The following NMNAT2 variants were observed in gnomAD, a reference collection of about 807,000 sequenced individuals.
NMNAT2 encodes the protein nicotinamide nucleotide adenylyltransferase 2, also known as nicotinamide/nicotinic acid mononucleotide adenylyltransferase 2.
A neutral mutation model predicts 41.6 loss-of-function variants in NMNAT2; 11 were observed. That is an observed-to-expected ratio of 0.26 (90% CI 0.17 to 0.44). The LOEUF (loss-of-function observed/expected upper bound fraction) is 0.44, where lower values mean the gene tolerates loss of function less well. NMNAT2 is among the 20% of genes least tolerant of loss of function. The pLI is 1.00. For missense variants in NMNAT2, 288 were observed against 407.7 expected (o/e 0.71, Z 2.53); for synonymous variants, 148 against 151.2 (o/e 0.98, Z 0.16).
rs530163371 is a variant in NMNAT2 at position 183,355,321 on chromosome 1, G to A, written c.86-61528C>T. Among the ~76,000 whole-genome samples, 9 of 152,266 alleles carry A rather than the reference G, an allele frequency of 5.9e-5. No homozygotes were observed. In the South Asian group the frequency reaches 1.9e-3, roughly 31 times the overall value. Reference sequence around the variant, plus strand: ...TCTCACAGTTTGTTATGATATATTAGTGGTTCTCCAAGTGTGTTTCCAGAC... The same window carrying A: ...TCTCACAGTTTGTTATGATATATTAATGGTTCTCCAAGTGTGTTTCCAGAC... On this transcript the variant is annotated intron_variant, in intron 1 of 10. Transcript: ENST00000287713.
intron 1 of NMNAT2, among the ~76,000 whole-genome samples, chr1:183,323,801 T>G (rs1266343115): frequency 6.6e-6 from 1 of 151,816 alleles, no homozygotes; most frequent in East Asian, 1.9e-4. Flanking sequence ...GTAAAACCTC[T>G]CCCCCCACAG....
chr1:183,312,688 G>GGGA (rs1388355991), intron 1 of NMNAT2, among the ~76,000 whole-genome samples: 2 of 152,074 alleles, frequency 1.3e-5, no homozygotes, highest in Non-Finnish European at 2.9e-5. Context: ...GATTTTCCAA[G>GGGA]TATCCCTCAG....
intron 1 of NMNAT2, among the ~76,000 whole-genome samples, chr1:183,370,422 G>A (rs1403767986): frequency 6.6e-6 from 1 of 152,178 alleles, no homozygotes; most frequent in Admixed American, 6.5e-5. Context: ...TTACTGGTAT[G>A]CTGAGAATAA....
At chr1:183,276,255 G>C (rs2102295078) in intron 8 of NMNAT2, among the ~76,000 whole-genome samples, 1 of 152,286 alleles carries the variant, frequency 6.6e-6, no homozygotes, top group African/African-American at 2.4e-5. Flanking sequence ...TTGACCCAGT[G>C]AGTTCACTCC....
intron 4 of NMNAT2, among the ~76,000 whole-genome samples, chr1:183,289,782 C>A (rs1557867815): frequency 6.6e-6 from 1 of 152,194 alleles, no homozygotes; most frequent in Non-Finnish European, 1.5e-5. Flanking sequence ...CCTCCTCCCT[C>A]ACTTTCTGAA....
intron 1 of NMNAT2, among the ~76,000 whole-genome samples, chr1:183,297,957 T>C (rs1052423696): frequency 3.3e-5 from 5 of 152,188 alleles, no homozygotes; most frequent in African/African-American, 1.2e-4. Context: ...AAAAATCTCA[T>C]GATCCTATCA....
At chr1:183,254,135 C>T (rs1355513085) in intron 10 of NMNAT2, among the ~76,000 whole-genome samples, 1 of 152,002 alleles carries the variant, frequency 6.6e-6, no homozygotes, top group Non-Finnish European at 1.5e-5. Flanking sequence ...ATGACAGTTC[C>T]GTTTTTAATC....
At chr1:183,290,033 C>T in intron 4 of NMNAT2, 95 bp downstream of exon 4, 2 of 970,098 alleles carry the variant, frequency 2.1e-6, no homozygotes, top group Non-Finnish European at 3.1e-6. Flanking sequence ...AGGCCAGCAG[C>T]ACCCTCTCCT....
chr1:183,364,008 C>T (rs1663363395), intron 1 of NMNAT2, among the ~76,000 whole-genome samples: 1 of 152,232 alleles, frequency 6.6e-6, no homozygotes, highest in South Asian at 2.1e-4. Flanking sequence ...CTTCATCCTG[C>T]TATCATGTGC....
intron 10 of NMNAT2, among the ~76,000 whole-genome samples, chr1:183,258,877 C>CT (rs1301759695): frequency 6.6e-6 from 1 of 152,186 alleles, no homozygotes; most frequent in African/African-American, 2.4e-5. Flanking sequence ...GGCTCACTGG[C>CT]TTCCCCAACC....
chr1:183,282,611 G>T (rs989876464), intron 7 of NMNAT2, among the ~76,000 whole-genome samples: 1 of 152,232 alleles, frequency 6.6e-6, no homozygotes, highest in African/African-American at 2.4e-5. Context: ...AGGAGACTGC[G>T]TGGGAAGGCA....
intron 1 of NMNAT2, among the ~76,000 whole-genome samples, chr1:183,337,793 G>GTGCATTTT (rs751372796): frequency 6.6e-6 from 1 of 151,936 alleles, no homozygotes; most frequent in Non-Finnish European, 1.5e-5. Context: ...CACTTTTATT[G>GTGCATTTT]CCATTTTCCA....
intron 8 of NMNAT2, among the ~76,000 whole-genome samples, chr1:183,273,841 C>T (rs1318118102): frequency 7.6e-5 from 6 of 79,162 alleles, no homozygotes; most frequent in African/African-American, 4.0e-4. Flanking sequence ...CTCCCTCCCT[C>T]CCTTCCTTCC....
At chr1:183,399,409 G>A (rs1399289411) in intron 1 of NMNAT2, among the ~76,000 whole-genome samples, 2 of 152,080 alleles carry the variant, frequency 1.3e-5, no homozygotes, top group Admixed American at 6.5e-5. Flanking sequence ...CTGTAACTGA[G>A]GCAATAATTA....
intron 1 of NMNAT2, among the ~76,000 whole-genome samples, chr1:183,415,244 A>G (rs955424176): frequency 6.6e-6 from 1 of 152,160 alleles, no homozygotes; most frequent in Non-Finnish European, 1.5e-5. Context: ...TCACCTCCCA[A>G]AGTGCTGGGA....
At chr1:183,341,297 A>C (rs1483184297) in intron 1 of NMNAT2, among the ~76,000 whole-genome samples, 1 of 152,078 alleles carries the variant, frequency 6.6e-6, no homozygotes, top group African/African-American at 2.4e-5. Context: ...CTGAAATGGC[A>C]ACCACAATGC....
chr1:183,400,468 C>T (rs375150844), intron 1 of NMNAT2, among the ~76,000 whole-genome samples: 5 of 152,090 alleles, frequency 3.3e-5, no homozygotes, highest in Non-Finnish European at 7.4e-5. Context: ...GAATCAATAT[C>T]GTGAAAATGG....
chr1:183,260,011 G>T (rs557189552), intron 10 of NMNAT2, among the ~76,000 whole-genome samples: 2 of 152,252 alleles, frequency 1.3e-5, no homozygotes, highest in Admixed American at 1.3e-4. Flanking sequence ...TTCCACTTTG[G>T]GTTTGTGGTA....
intron 1 of NMNAT2, among the ~76,000 whole-genome samples, chr1:183,298,555 G>T (rs1207046168): frequency 2.6e-5 from 4 of 152,216 alleles, no homozygotes; most frequent in Admixed American, 2.6e-4. Flanking sequence ...TAAATGTAGA[G>T]ACCTATGCAT....
Sources: allele counts gnomAD v4.1 joint callset (sites outside exome capture counted in the v4.1 genomes callset), GRCh38; gene constraint gnomAD v4.1.1; transcripts MANE v1.5; gene names NCBI Gene and HGNC (gene_info 2026-07-23, HGNC 2026-07-21).